ULK4: variants seen among roughly 807,000 people sequenced by gnomAD.
ULK4 encodes the protein unc-51 like kinase 4.
Under a neutral mutation model 160.6 loss-of-function variants are expected in ULK4, and 133 were observed. That is an observed-to-expected ratio of 0.83 (90% CI 0.72 to 0.96). The LOEUF (loss-of-function observed/expected upper bound fraction) is 0.96. ULK4 is among the 40% of genes least tolerant of loss of function. The pLI is 0.00. For missense variants in ULK4, 1,580 were observed against 1,499.5 expected, an observed-to-expected ratio of 1.05 and a Z score of -0.89; for synonymous variants, 534 against 539.8, an observed-to-expected ratio of 0.99 and a Z score of 0.15.
intron 23 of ULK4, 108 bp from the exon 24 acceptor site, chr3:41,715,676 A>C (rs1176018146): frequency 2.9e-6 from 4 of 1,396,128 alleles, no homozygotes; most frequent in African/African-American, 2.9e-5. Flanking sequence ...ATTAATCTCC[A>C]AATAAAATAA....
rs530511929 is a variant in ULK4 at position 41,568,516 on chromosome 3, A to T, written c.3121-2386T>A. Among the ~76,000 whole-genome samples, 12 of 152,300 alleles carry T rather than the reference A, an allele frequency of 7.9e-5. No homozygotes were observed. In the South Asian group the frequency reaches 2.5e-3, roughly 32 times the overall value. On this transcript the variant is annotated intron_variant, in intron 31 of 36. Transcript: ENST00000301831. ...TATCGATCTCATGCTAACCTTGTCT[A>T]CCCATTTTATTCCAAATATATTTAT...
At chr3:41,618,861 T>A (rs2033107030) in intron 30 of ULK4, among the ~76,000 whole-genome samples, 1 of 151,080 alleles carries the variant, frequency 6.6e-6, no homozygotes. Flanking sequence ...CCCATTGGGG[T>A]GCTGTATTCA....
At chr3:41,424,447 A>G (rs1175895500) in intron 34 of ULK4, among the ~76,000 whole-genome samples, 1 of 152,092 alleles carries the variant, frequency 6.6e-6, no homozygotes, top group Non-Finnish European at 1.5e-5. Flanking sequence ...TGGGTCCCAG[A>G]TCCCATGCCT....
chr3:41,565,776 A>G (rs1271507419), intron 32 of ULK4, among the ~76,000 whole-genome samples: 1 of 152,236 alleles, frequency 6.6e-6, no homozygotes, highest in African/African-American at 2.4e-5. Context: ...CAGTCTAAAT[A>G]CTATGATTAC....
intron 22 of ULK4, among the ~76,000 whole-genome samples, chr3:41,741,408 T>A (rs930057783): frequency 2.6e-5 from 4 of 151,960 alleles, no homozygotes; most frequent in Non-Finnish European, 5.9e-5. Flanking sequence ...ACAATGAATA[T>A]CCTTCCAGGT....
At chr3:41,437,531 A>G (rs1230563855) in intron 34 of ULK4, among the ~76,000 whole-genome samples, 1 of 152,194 alleles carries the variant, frequency 6.6e-6, no homozygotes, top group African/African-American at 2.4e-5. Flanking sequence ...CTTACACACT[A>G]TACTCTGGGC....
At position 41,740,246 on chromosome 3, in the gene ULK4, T is replaced by G. The variant is rs1248990746; in HGVS notation, c.2321+14115A>C. On this transcript the variant is annotated intron_variant, in intron 22 of 36. Coordinates refer to ENST00000301831, the MANE Select transcript of ULK4 (RefSeq NM_017886.4). ...AATTATCCAGAGTAAATATTTATTT[T>G]AAATAATATTTCTTTTAAAATCAAA... Among the ~76,000 whole-genome samples the G allele has an allele frequency of 2.6e-5, 4 of 151,934 alleles. No homozygotes were observed. In the East Asian group the frequency reaches 7.7e-4, roughly 29 times the overall value.
intron 32 of ULK4, among the ~76,000 whole-genome samples, chr3:41,491,699 A>G (rs890952467): frequency 1.0e-4 from 11 of 107,858 alleles, no homozygotes; most frequent in Non-Finnish European, 1.8e-4. Context: ...GAATTTTTAT[A>G]TTTTTTTTTA....
At chr3:41,735,963 T>C (rs1360102070) in intron 22 of ULK4, among the ~76,000 whole-genome samples, 2 of 150,838 alleles carry the variant, frequency 1.3e-5, no homozygotes, top group East Asian at 2.0e-4. Flanking sequence ...GTCCTTGCGA[T>C]AGTTTGCTGA....
intron 31 of ULK4, among the ~76,000 whole-genome samples, chr3:41,602,817 GAC>G (rs2032182734): frequency 6.6e-6 from 1 of 151,894 alleles, no homozygotes; most frequent in Non-Finnish European, 1.5e-5. Context: ...ATACAGAGAG[GAC>G]AGTAACCACT....
chr3:41,495,137 A>G (rs1487099079), intron 32 of ULK4, among the ~76,000 whole-genome samples: 1 of 152,242 alleles, frequency 6.6e-6, no homozygotes, highest in Non-Finnish European at 1.5e-5. Flanking sequence ...ATGCTAAGCC[A>G]AAGGAACAAA....
intron 25 of ULK4, among the ~76,000 whole-genome samples, chr3:41,713,061 A>T (rs1057069476): frequency 6.6e-6 from 1 of 151,840 alleles, no homozygotes; most frequent in Non-Finnish European, 1.5e-5. Context: ...ATAACTATGC[A>T]TCCCCACCAC....
Position 41,940,104 on chromosome 3 carries a change from C to G in ULK4, c.139-1907G>C, listed in dbSNP as rs1233355338. 2.0e-5 allele frequency among the ~76,000 whole-genome samples: 3 copies of G among 151,960 alleles called. No individual in the cohort carries two copies. The East Asian group carries it at 5.8e-4, about 29-fold the overall frequency. The stretch of plus-strand genomic sequence containing the variant: ...GAAACTTACACCTGTTTTATTTGAG[C>G]TCCTTCCTCAGGAAAGGACCCCCAA... On this transcript the variant is annotated intron_variant, in intron 2 of 36. Coordinates refer to ENST00000301831, the MANE Select transcript of ULK4 (RefSeq NM_017886.4).
intron 32 of ULK4, among the ~76,000 whole-genome samples, chr3:41,534,599 G>A (rs1476725460): frequency 6.7e-6 from 1 of 150,112 alleles, no homozygotes; most frequent in Non-Finnish European, 1.5e-5. Context: ...TCTGTAGTTT[G>A]TGGCATGTCA....
intron 35 of ULK4, among the ~76,000 whole-genome samples, chr3:41,304,009 G>A (rs948922539): frequency 1.2e-4 from 19 of 152,092 alleles, no homozygotes; most frequent in African/African-American, 4.3e-4. Context: ...GATGGCTCAC[G>A]CCTGTAATCC....
intron 35 of ULK4, among the ~76,000 whole-genome samples, chr3:41,306,108 C>T: frequency 7.2e-6 from 1 of 138,580 alleles, no homozygotes; most frequent in African/African-American, 2.9e-5. Flanking sequence ...GCCCGGCCGC[C>T]ACCCCGTCCG....
At chr3:41,628,153 G>C (rs2033604106) in intron 30 of ULK4, among the ~76,000 whole-genome samples, 1 of 152,176 alleles carries the variant, frequency 6.6e-6, no homozygotes. Context: ...GTGGTCTGCA[G>C]ACCAAAGATA....
In ULK4 at chr3:41,912,901, T is replaced by C. The variant is rs1480123235; in HGVS notation, c.804-2A>G. On this transcript the variant is annotated splice_acceptor_variant, in intron 8 of 36. Transcript: ENST00000301831. LOFTEE classifies it high-confidence loss of function. Reference sequence around the variant, plus strand: ...TGCAGTAGCCTTGTCCAAGTCAATCTTTAAAAAACATAAATGTTAAAACTC... The same window carrying C: ...TGCAGTAGCCTTGTCCAAGTCAATCCTTAAAAAACATAAATGTTAAAACTC... 1 of 1,613,776 alleles carries C rather than the reference T, an allele frequency of 6.2e-7. No individual in the cohort carries two copies. Among genetic ancestry groups the C allele is most frequent in the Non-Finnish European group, 8.5e-7 (1 of 1,179,884 alleles).
chr3:41,388,355 C>T (rs999680432), intron 35 of ULK4, among the ~76,000 whole-genome samples: 2 of 151,870 alleles, frequency 1.3e-5, no homozygotes, highest in African/African-American at 4.8e-5. Context: ...GTTTCTTTTG[C>T]TGTGCAGAAG....
Sources: allele counts gnomAD v4.1 joint callset (sites outside exome capture counted in the v4.1 genomes callset), GRCh38; gene constraint gnomAD v4.1.1; transcripts MANE v1.5; gene names NCBI Gene and HGNC (gene_info 2026-07-23, HGNC 2026-07-21).